Variants in MBD3L1 observed in about 807,000 individuals in gnomAD.
MBD3L1 encodes methyl-CpG binding domain protein 3 like 1, also known as methyl-CpG-binding domain protein 3-like 1.
For missense variants in MBD3L1, 203 were observed against 230.1 expected (o/e 0.88, Z 0.76); for synonymous variants, 84 against 85.1 (o/e 0.99, Z 0.07).
Position 8,842,725 on chromosome 19 carries a change from G to A in MBD3L1, c.47G>A (p.Cys16Tyr). ...QRKQRDCVNQCKSKPGLSTSI... is the reference protein window; with the variant it reads ...QRKQRDCVNQYKSKPGLSTSI... ...AAGCAACGTGACTGTGTAAACCAAT[G>A]CAAATCAAAGCCTGGCTTGAGCACC... The change falls in exon 3 of 3, where the codon TGC becomes TAC. Residue 16 changes from cysteine (C) to tyrosine (Y), a missense_variant. Physicochemically the swap from Cys to Tyr is radical, Grantham distance 194 (BLOSUM62 -2). Coordinates refer to ENST00000595891, the MANE Select transcript of MBD3L1 (RefSeq NM_001393532.1). 2 of 1,614,196 alleles carry A rather than the reference G, an allele frequency of 1.2e-6. No individual in the cohort carries two copies. Among genetic ancestry groups the A allele is most frequent in the African/African-American group, 1.3e-5 (1 of 75,044 alleles).
rs750087579 is a variant in MBD3L1 at position 8,842,735 on chromosome 19, G to T, written c.57G>T (p.Lys19Asn). The T allele has an allele frequency of 6.2e-7, 1 of 1,614,196 alleles. No homozygotes were observed. Among genetic ancestry groups the T allele is most frequent in the South Asian group, 1.1e-5 (1 of 91,084 alleles). ...QRDCVNQCKSKPGLSTSIPLR... is the reference protein window; with the variant it reads ...QRDCVNQCKSNPGLSTSIPLR... ...ACTGTGTAAACCAATGCAAATCAAA[G>T]CCTGGCTTGAGCACCTCAATCCCTT... is the stretch of plus-strand genomic sequence containing the variant. The change falls in exon 3 of 3, where the codon AAG becomes AAT. Residue 19 changes from lysine (K) to asparagine (N), a missense_variant. Transcript: ENST00000595891.
chr19:8,838,297 A>T (rs1027232152), intron 1 of MBD3L1, among the ~76,000 whole-genome samples: 3 of 140,956 alleles, frequency 2.1e-5, no homozygotes, highest in African/African-American at 8.2e-5. Context: ...CAGCAGCCCC[A>T]CTATCACCTT....
chr19:8,834,946 A>AT (rs2044438703), intron 1 of MBD3L1, among the ~76,000 whole-genome samples: 4 of 152,214 alleles, frequency 2.6e-5, no homozygotes, highest in Admixed American at 2.6e-4. Flanking sequence ...GACTGGGTGA[A>AT]GACATTTACA....
rs114731116 is a variant in MBD3L1, at chr19:8,835,649, C to T, written c.-107+3127C>T. ...TCCTCAAAAAGTCATAGAGTTGCCA[C>T]GTGACCCAGCAATTTTATTTCCAGT... On this transcript the variant is annotated intron_variant, in intron 1 of 2. Transcript: ENST00000595891. 2.7e-3 allele frequency among the ~76,000 whole-genome samples: 411 copies of T among 152,000 alleles called. 2 individuals are homozygous for T. Among genetic ancestry groups the T allele is most frequent in the African/African-American group, 8.1e-3 (336 of 41,452 alleles).
intron 2 of MBD3L1, among the ~76,000 whole-genome samples, chr19:8,842,101 G>C (rs576791660): frequency 6.6e-6 from 1 of 152,032 alleles, no homozygotes; most frequent in African/African-American, 2.4e-5. Flanking sequence ...GTCGAGGGGG[G>C]GTGGATCACT....
chr19:8,833,666 G>A (rs1474388357), intron 1 of MBD3L1: 1 of 152,212 alleles, frequency 6.6e-6, no homozygotes, highest in Non-Finnish European at 1.5e-5. Flanking sequence ...GTGATAAATA[G>A]AATACATGGT....
At chr19:8,836,394 C>T (rs931337468) in intron 1 of MBD3L1, among the ~76,000 whole-genome samples, 1 of 151,672 alleles carries the variant, frequency 6.6e-6, no homozygotes, top group Non-Finnish European at 1.5e-5. Context: ...CCCCTTCCTC[C>T]TCCTCCTTGT....
At position 8,843,265 on chromosome 19, in the gene MBD3L1, A is replaced by G. The variant is rs1323791038; in HGVS notation, c.*2A>G. 3.2e-6 allele frequency: 5 copies of G among 1,554,750 alleles called. No homozygotes were observed. In the South Asian group the frequency reaches 6.2e-5, roughly 19 times the overall value. ...GAAGGCCGTCCTGAAAAACGCTAAG[A>G]AAAAAAGGGAAGATAGTGCAGATGA... On this transcript the variant is annotated 3_prime_UTR_variant, in exon 3 of 3. Coordinates refer to ENST00000595891, the MANE Select transcript of MBD3L1 (RefSeq NM_001393532.1).
chr19:8,843,285 A>T lies in MBD3L1; in HGVS notation c.*22A>T. ...CTAAGAAAAAAAGGGAAGATAGTGC[A>T]GATGAAATAAAGTGTAATCCTTTAT... On this transcript the variant is annotated 3_prime_UTR_variant, in exon 3 of 3. Transcript: ENST00000595891. The T allele has an allele frequency of 6.7e-7, 1 of 1,498,556 alleles. No individual in the cohort carries two copies. The highest frequency in any genetic ancestry group is 8.9e-7 in the Non-Finnish European group (1 of 1,119,838). The allele number at this position is 1,498,556 out of a possible 1,614,324, so 92.8% of individuals were successfully genotyped here. A position where few individuals can be genotyped will look rare whatever the true frequency, so the allele number is the denominator to read the frequency against.
intron 1 of MBD3L1, among the ~76,000 whole-genome samples, chr19:8,840,367 T>A (rs2145354236): frequency 6.6e-6 from 1 of 152,298 alleles, no homozygotes; most frequent in East Asian, 1.9e-4. Flanking sequence ...AGTGGCCTGA[T>A]TGCCGCTCAC....
chr19:8,843,200 G>C lies in MBD3L1; in HGVS notation c.522G>C (p.Ala174=), dbSNP rs781213429. 6.2e-7 allele frequency: 1 copy of C among 1,612,280 alleles called. No individual in the cohort carries two copies. The highest frequency in any genetic ancestry group is 1.3e-5 in the African/African-American group (1 of 74,896). The change falls in exon 3 of 3, where the codon GCG becomes GCC. Residue 174 remains alanine (A), a synonymous_variant. Transcript: ENST00000595891. The part of the protein sequence containing the change: ...VRERLAIALI[A]DGLANEAEKV... Reference sequence around the variant, plus strand: ...AGAGACTCGCAATAGCACTGATTGCGGATGGACTCGCTAATGAGGCAGAGA... The same window carrying C: ...AGAGACTCGCAATAGCACTGATTGCCGATGGACTCGCTAATGAGGCAGAGA...
At position 8,842,701 on chromosome 19, in the gene MBD3L1, A is replaced by G. The variant is rs1457669328; in HGVS notation, c.23A>G (p.Lys8Arg). The change falls in exon 3 of 3, where the codon AAG becomes AGG. Residue 8 changes from lysine (K) to arginine (R), a missense_variant. Physicochemically the swap from Lys to Arg is conservative, Grantham distance 26. Coordinates refer to ENST00000595891, the MANE Select transcript of MBD3L1 (RefSeq NM_001393532.1). ...GTGATGGCCAAGAGTTCACAGAGGAAGCAACGTGACTGTGTAAACCAATGC... is the reference window on the plus strand; with the variant it reads ...GTGATGGCCAAGAGTTCACAGAGGAGGCAACGTGACTGTGTAAACCAATGC... Reference protein sequence around the residue: MAKSSQRKQRDCVNQCKS... With the variant: MAKSSQRRQRDCVNQCKS... 1 of 1,613,880 alleles carries G rather than the reference A, an allele frequency of 6.2e-7. No individual in the cohort carries two copies. The highest frequency in any genetic ancestry group is 1.7e-5 in the Admixed American group (1 of 59,996).
chr19:8,837,656 C>T (rs1331314601), intron 1 of MBD3L1, among the ~76,000 whole-genome samples: 1 of 152,130 alleles, frequency 6.6e-6, no homozygotes, highest in East Asian at 1.9e-4. Context: ...TTCACACTGG[C>T]CTCATGGACA....
At position 8,835,208 on chromosome 19, in the gene MBD3L1, C is replaced by T. The variant is rs540656139; in HGVS notation, c.-107+2686C>T. 1.2e-4 allele frequency among the ~76,000 whole-genome samples: 19 copies of T among 152,212 alleles called. No individual in the cohort carries two copies. The East Asian group carries it at 2.3e-3, about 19-fold the overall frequency. ...CTGGGACCACAGGCGTTCACCACCA[C>T]GCCTGGCTAATTTTTGTATTTTTAG... On this transcript the variant is annotated intron_variant, in intron 1 of 2. Transcript: ENST00000595891.
chr19:8,840,013 C>T (rs888379229), intron 1 of MBD3L1, among the ~76,000 whole-genome samples: 2 of 151,866 alleles, frequency 1.3e-5, no homozygotes, highest in Non-Finnish European at 2.9e-5. Context: ...GAAACCCCAT[C>T]GCTACTAAAA....
At chr19:8,838,985 A>C (rs1377301909) in intron 1 of MBD3L1, among the ~76,000 whole-genome samples, 1 of 152,076 alleles carries the variant, frequency 6.6e-6, no homozygotes, top group Non-Finnish European at 1.5e-5. Context: ...GTTCTCCCCC[A>C]ACCAGGGGCC....
chr19:8,838,420 C>T (rs2145349127), intron 1 of MBD3L1, among the ~76,000 whole-genome samples: 1 of 152,144 alleles, frequency 6.6e-6, no homozygotes, highest in East Asian at 1.9e-4. Context: ...AACCCTCTCC[C>T]GAGGACATGG....
chr19:8,832,835 G>A, intron 1 of MBD3L1, among the ~76,000 whole-genome samples: 1 of 151,964 alleles, frequency 6.6e-6, no homozygotes, highest in South Asian at 2.1e-4. Flanking sequence ...GGTTGTGACA[G>A]CCCTGGAGGT....
intron 1 of MBD3L1, chr19:8,833,219 C>T (rs1056864317): frequency 6.6e-6 from 1 of 152,166 alleles, no homozygotes; most frequent in Non-Finnish European, 1.5e-5. Flanking sequence ...CAGTTACTGC[C>T]CCATGTTCAT....
Sources: gnomAD v4.1 joint callset for allele counts (sites outside exome capture counted in the v4.1 genomes callset) on GRCh38, gnomAD v4.1.1 for gene constraint, MANE v1.5 for transcripts, NCBI Gene and HGNC (gene_info 2026-07-23, HGNC 2026-07-21) for gene names.